Variants in CLIP2 observed in about 807,000 individuals in gnomAD.
CLIP2 encodes CAP-Gly domain-containing linker protein 2.
CLIP2 carries 41 observed loss-of-function variants against 111.7 expected under a neutral mutation model. That is an observed-to-expected ratio of 0.37 (90% CI 0.29 to 0.48). CLIP2 has a LOEUF of 0.48. Among genes scored for constraint, CLIP2 ranks in the 20% least tolerant of loss-of-function variants. The pLI is 0.99. For synonymous variants in CLIP2, 660 were observed against 644.2 expected (o/e 1.02, Z -0.37); for missense variants, 1,160 against 1,422.1 (o/e 0.82, Z 2.96).
At chr7:74,370,231 C>T (rs547053819) in intron 8 of CLIP2, among the ~76,000 whole-genome samples, 8 of 149,426 alleles carry the variant, frequency 5.4e-5, no homozygotes, top group African/African-American at 1.2e-4. Context: ...CCGAGGTGGG[C>T]GGATCACGAG....
At chr7:74,306,151 C>G (rs1219071527) in intron 1 of CLIP2, among the ~76,000 whole-genome samples, 1 of 152,146 alleles carries the variant, frequency 6.6e-6, no homozygotes, top group South Asian at 2.1e-4. Context: ...TGCTGCCTGC[C>G]CAGGCTCCCG....
intron 3 of CLIP2, among the ~76,000 whole-genome samples, chr7:74,339,989 G>C (rs1456300970): frequency 1.3e-5 from 2 of 152,122 alleles, no homozygotes; most frequent in Admixed American, 1.3e-4. Flanking sequence ...AGCTACTCAG[G>C]AGGCTGTGGT....
chr7:74,360,396 T>G, intron 7 of CLIP2, 118 bp downstream of exon 7: 2 of 679,460 alleles, frequency 2.9e-6, no homozygotes, highest in Non-Finnish European at 5.1e-6. Flanking sequence ...TGCCTCTGGC[T>G]GTGTCACCCT....
At chr7:74,387,583 G>C (rs1791150015) in intron 12 of CLIP2, among the ~76,000 whole-genome samples, 1 of 152,188 alleles carries the variant, frequency 6.6e-6, no homozygotes, top group African/African-American at 2.4e-5. Flanking sequence ...CAGAACACCA[G>C]TGGTGGTGGG....
intron 7 of CLIP2, among the ~76,000 whole-genome samples, chr7:74,361,170 C>CCCTTCTTTCCTTCCTT (rs1790317750): frequency 7.9e-5 from 1 of 12,704 alleles, no homozygotes. Flanking sequence ...CTCCCTCCCT[C>CCCTTCTTTCCTTCCTT]CCTTCTTTCC....
chr7:74,381,958 G>C (rs1554313983), intron 11 of CLIP2, among the ~76,000 whole-genome samples: 1 of 152,176 alleles, frequency 6.6e-6, no homozygotes, highest in Non-Finnish European at 1.5e-5. Context: ...TTGAAAACCT[G>C]TTTCCCCTCA....
At chr7:74,303,122 T>G (rs942270784) in intron 1 of CLIP2, among the ~76,000 whole-genome samples, 1 of 152,128 alleles carries the variant, frequency 6.6e-6, no homozygotes, top group African/African-American at 2.4e-5. Context: ...AGCTTCAGGT[T>G]CCGCCTCAGA....
chr7:74,330,745 T>C (rs1448662330), intron 2 of CLIP2, among the ~76,000 whole-genome samples: 1 of 152,148 alleles, frequency 6.6e-6, no homozygotes, highest in African/African-American at 2.4e-5. Context: ...ATCTGAATAA[T>C]GTGACCATAA....
At chr7:74,300,607 C>T (rs1041940852) in intron 1 of CLIP2, among the ~76,000 whole-genome samples, 2 of 152,114 alleles carry the variant, frequency 1.3e-5, no homozygotes, top group Non-Finnish European at 1.5e-5. Flanking sequence ...CGGCGCCCGC[C>T]ACCACGCCCG....
chr7:74,319,382 C>T (rs1788882048), intron 2 of CLIP2, among the ~76,000 whole-genome samples: 1 of 151,844 alleles, frequency 6.6e-6, no homozygotes, highest in African/African-American at 2.4e-5. Flanking sequence ...TGTGGTGGCA[C>T]CTGTAATCCT....
At chr7:74,301,605 T>C (rs1203478548) in intron 1 of CLIP2, among the ~76,000 whole-genome samples, 1 of 151,492 alleles carries the variant, frequency 6.6e-6, no homozygotes, top group Non-Finnish European at 1.5e-5. Context: ...TTGGCCAGGC[T>C]GGTCTCAAAC....
At chr7:74,301,927 G>A (rs370398198) in intron 1 of CLIP2, among the ~76,000 whole-genome samples, 1 of 151,942 alleles carries the variant, frequency 6.6e-6, no homozygotes, top group Non-Finnish European at 1.5e-5. Context: ...TGGCCAGGCT[G>A]GTCTCGAACT....
Position 74,306,823 on chromosome 7 carries a change from T to C in CLIP2, c.-67-10657T>C, listed in dbSNP as rs1358814777. On this transcript the variant is annotated intron_variant, in intron 1 of 16. Transcript: ENST00000223398. ...CTCACTCCCAGGAGGTGGTGACACT[T>C]GTACCCCATTTTACAGGTAATGAAA... 4.6e-5 allele frequency among the ~76,000 whole-genome samples: 7 copies of C among 152,258 alleles called. No homozygotes were observed. The South Asian group carries it at 6.2e-4, about 14-fold the overall frequency.
chr7:74,391,236 A>G (rs533592363), intron 13 of CLIP2, among the ~76,000 whole-genome samples: 1 of 152,302 alleles, frequency 6.6e-6, no homozygotes, highest in South Asian at 2.1e-4. Context: ...CTGATCTTAC[A>G]TAGATATGTA....
At chr7:74,336,258 G>A (rs750710022) in intron 2 of CLIP2, among the ~76,000 whole-genome samples, 1 of 151,824 alleles carries the variant, frequency 6.6e-6, no homozygotes, top group Non-Finnish European at 1.5e-5. Flanking sequence ...AGTAGAGATG[G>A]GGTTTCCCCA....
chr7:74,327,593 A>G (rs890978482), intron 2 of CLIP2, among the ~76,000 whole-genome samples: 2 of 152,140 alleles, frequency 1.3e-5, no homozygotes, highest in African/African-American at 4.8e-5. Flanking sequence ...TCCCCATTTT[A>G]AGTGACTTGT....
At chr7:74,352,799 C>T (rs542103310) in intron 3 of CLIP2, among the ~76,000 whole-genome samples, 24 of 151,728 alleles carry the variant, frequency 1.6e-4, no homozygotes, top group South Asian at 4.2e-4. Flanking sequence ...GCTTGAAGCC[C>T]GGAGTTCCAG....
chr7:74,299,120 C>T (rs1462588938), intron 1 of CLIP2, among the ~76,000 whole-genome samples: 4 of 151,942 alleles, frequency 2.6e-5, no homozygotes, highest in African/African-American at 9.7e-5. Flanking sequence ...TCACTTGAGC[C>T]CAGGAGTTGG....
At chr7:74,307,682 A>G (rs767732774) in intron 1 of CLIP2, among the ~76,000 whole-genome samples, 79 of 151,970 alleles carry the variant, frequency 5.2e-4, no homozygotes, top group Non-Finnish European at 9.6e-4. Context: ...TAGTAGAGAC[A>G]GGGTTTCACT....
Sources: gnomAD v4.1 joint callset for allele counts (sites outside exome capture counted in the v4.1 genomes callset) on GRCh38, gnomAD v4.1.1 for gene constraint, MANE v1.5 for transcripts, NCBI Gene and HGNC (gene_info 2026-07-23, HGNC 2026-07-21) for gene names.